AHI1: variants seen among roughly 807,000 people sequenced by gnomAD.
AHI1 encodes the protein jouberin.
Under a neutral mutation model 149.3 loss-of-function variants are expected in AHI1, and 123 were observed. The ratio of observed to expected loss-of-function variants is 0.82; its 90% CI spans 0.71 to 0.96. The LOEUF (loss-of-function observed/expected upper bound fraction) is 0.96. Among genes scored for constraint, AHI1 ranks in the 40% least tolerant of loss-of-function variants. The probability of loss-of-function intolerance (pLI) is 0.00; values close to 1 mark genes in which losing one functional copy is unlikely to be tolerated. For missense variants in AHI1, 1,439 were observed against 1,422.7 expected (o/e 1.01, Z -0.18); for synonymous variants, 475 against 459.8 (o/e 1.03, Z -0.42).
chr6:135,442,188 T>C (rs1786401566), intron 14 of AHI1, among the ~76,000 whole-genome samples: 1 of 152,150 alleles, frequency 6.6e-6, no homozygotes, highest in Non-Finnish European at 1.5e-5. Flanking sequence ...ATTATTGGTA[T>C]TCCACTACAC....
Position 135,442,184 on chromosome 6 carries a change from G to A in AHI1, c.1912+398C>T, listed in dbSNP as rs6903999. 7.4e-3 allele frequency among the ~76,000 whole-genome samples: 1,133 copies of A among 152,098 alleles called. 12 individuals carry two copies. The highest frequency in any genetic ancestry group is 0.026 in the African/African-American group (1,073 of 41,500). The stretch of plus-strand genomic sequence containing the variant: ...TCTAGGTACTCTTGAGTCAATTATT[G>A]GTATTCCACTACACAGCAAATCTGG... On this transcript the variant is annotated intron_variant, in intron 14 of 28. Transcript: ENST00000265602.
chr6:135,368,379 C>T (rs1463480515), intron 23 of AHI1, among the ~76,000 whole-genome samples: 1 of 152,074 alleles, frequency 6.6e-6, no homozygotes, highest in African/African-American at 2.4e-5. Flanking sequence ...AGGGAGGGTA[C>T]AAGCTTGCCC....
At chr6:135,303,860 G>T (rs1443083986) in intron 26 of AHI1, among the ~76,000 whole-genome samples, 1 of 152,140 alleles carries the variant, frequency 6.6e-6, no homozygotes, top group Non-Finnish European at 1.5e-5. Context: ...GAGGAATAGG[G>T]CTCTGTAAAT....
chr6:135,339,478 CA>C (rs1789961130), intron 24 of AHI1, among the ~76,000 whole-genome samples: 1 of 151,890 alleles, frequency 6.6e-6, no homozygotes, highest in Non-Finnish European at 1.5e-5. Flanking sequence ...ACCAAACAAA[CA>C]AACAAAAAAT....
chr6:135,422,953 GACT>G (rs1271800541), intron 20 of AHI1, among the ~76,000 whole-genome samples: 3 of 152,024 alleles, frequency 2.0e-5, no homozygotes, highest in African/African-American at 7.2e-5. Flanking sequence ...GAAATGCAAA[GACT>G]AAATAAGTGC....
chr6:135,382,013 T>G (rs1453085126), intron 23 of AHI1, among the ~76,000 whole-genome samples: 1 of 152,108 alleles, frequency 6.6e-6, no homozygotes, highest in Non-Finnish European at 1.5e-5. Context: ...CTGGTTCTTC[T>G]CAAAAAAAGG....
At chr6:135,369,872 A>C (rs1774766680) in intron 23 of AHI1, among the ~76,000 whole-genome samples, 1 of 152,050 alleles carries the variant, frequency 6.6e-6, no homozygotes, top group African/African-American at 2.4e-5. Context: ...ATTTCCATTT[A>C]AGAGAAATGG....
intron 7 of AHI1, 65 bp downstream of exon 7, chr6:135,465,749 T>C (rs544628804): frequency 2.3e-6 from 3 of 1,327,060 alleles, no homozygotes; most frequent in South Asian, 1.9e-5. Context: ...ACAGATAATA[T>C]TCAAAACCTG....
chr6:135,286,440 C>T (rs1483348042), intron 28 of AHI1: 3 of 152,252 alleles, frequency 2.0e-5, no homozygotes, highest in Non-Finnish European at 4.4e-5. Flanking sequence ...AAAGGCTTAA[C>T]ACCTGGTTGT....
chr6:135,361,913 T>G (rs1175434966), intron 23 of AHI1, among the ~76,000 whole-genome samples: 1 of 152,042 alleles, frequency 6.6e-6, no homozygotes, highest in African/African-American at 2.4e-5. Context: ...TCTTTAGTGG[T>G]GATTTATGAG....
chr6:135,296,359 G>A (rs1226193496), intron 27 of AHI1, among the ~76,000 whole-genome samples: 1 of 152,110 alleles, frequency 6.6e-6, no homozygotes, highest in Non-Finnish European at 1.5e-5. Flanking sequence ...TATCTTAAAT[G>A]TCAGAGGGAT....
intron 3 of AHI1, chr6:135,493,131 T>C (rs962056900): frequency 5.8e-5 from 13 of 225,668 alleles, no homozygotes; most frequent in Non-Finnish European, 8.1e-5. Context: ...CCCGAGTGGC[T>C]GGGATTACAG....
rs112120406 is a variant in AHI1 at position 135,375,940 on chromosome 6, G to A, written c.3110-17753C>T. On this transcript the variant is annotated intron_variant, in intron 23 of 28. Transcript: ENST00000265602. ...GCACAGAAGTGCTCAAAGGCTAACT[G>A]GTTCATATCAAAGGACATAAGAGCA... Among the ~76,000 whole-genome samples the A allele has an allele frequency of 8.5e-3, 1,297 of 152,128 alleles. 11 individuals carry two copies. The highest frequency in any genetic ancestry group is 0.015 in the Non-Finnish European group (1,021 of 68,002).
At chr6:135,451,002 TC>T (rs550701560) in intron 11 of AHI1, among the ~76,000 whole-genome samples, 2 of 116,228 alleles carry the variant, frequency 1.7e-5, no homozygotes, top group South Asian at 5.8e-4. Flanking sequence ...TCATGCCACT[TC>T]CCTTTTTTTT....
At chr6:135,494,627 C>T (rs1795719065) in intron 3 of AHI1, among the ~76,000 whole-genome samples, 2 of 152,172 alleles carry the variant, frequency 1.3e-5, no homozygotes, top group South Asian at 2.1e-4. Flanking sequence ...ACTGTTATTA[C>T]TGTCACGTGT....
chr6:135,350,343 C>T (rs959993900), intron 24 of AHI1, among the ~76,000 whole-genome samples: 3 of 152,176 alleles, frequency 2.0e-5, no homozygotes, highest in African/African-American at 7.2e-5. Flanking sequence ...TCCCTGATCT[C>T]CTGCCTCCCT....
chr6:135,470,838 C>T (rs1440542865), intron 5 of AHI1, among the ~76,000 whole-genome samples: 2 of 151,946 alleles, frequency 1.3e-5, no homozygotes, highest in East Asian at 3.9e-4. Flanking sequence ...GCATGTGTGG[C>T]TTAATACCTA....
chr6:135,395,340 C>T lies in AHI1; in HGVS notation c.2989-444G>A, dbSNP rs369775684. On this transcript the variant is annotated intron_variant, in intron 22 of 28. Transcript: ENST00000265602. ...CACCTGTACTACTCATGTTTATATACATCATGGTGACACAGATAACACAGC... is the reference window on the plus strand; with the variant it reads ...CACCTGTACTACTCATGTTTATATATATCATGGTGACACAGATAACACAGC... Among the ~76,000 whole-genome samples, 12 of 152,088 alleles carry T rather than the reference C, an allele frequency of 7.9e-5. 1 individual carries two copies. The highest frequency in any genetic ancestry group is 1.9e-4 in the East Asian group (1 of 5,186).
chr6:135,493,637 A>G (rs747401199), intron 3 of AHI1, among the ~76,000 whole-genome samples: 4 of 152,216 alleles, frequency 2.6e-5, no homozygotes, highest in African/African-American at 4.8e-5. Context: ...TTGAAACCTG[A>G]GAGCACGGAA....
Sources: gnomAD v4.1 joint callset for allele counts (sites outside exome capture counted in the v4.1 genomes callset) on GRCh38, gnomAD v4.1.1 for gene constraint, MANE v1.5 for transcripts, NCBI Gene and HGNC (gene_info 2026-07-23, HGNC 2026-07-21) for gene names.